Variants in ST6GALNAC3 observed in about 807,000 individuals in gnomAD.
ST6GALNAC3 encodes alpha-N-acetylgalactosaminide alpha-2,6-sialyltransferase 3.
A neutral mutation model predicts 32.7 loss-of-function variants in ST6GALNAC3; 25 were observed. That is an observed-to-expected ratio of 0.76 (90% confidence interval 0.56 to 1.07). The LOEUF is 1.07. Among genes scored for constraint, ST6GALNAC3 ranks in the 50% least tolerant of loss-of-function variants. The pLI is 0.00. For missense variants in ST6GALNAC3, 355 were observed against 382.4 expected (o/e 0.93, Z 0.60); for synonymous variants, 129 against 133.1 (o/e 0.97, Z 0.21).
At chr1:76,110,008 C>A (rs906181796) in intron 1 of ST6GALNAC3, among the ~76,000 whole-genome samples, 2 of 152,200 alleles carry the variant, frequency 1.3e-5, no homozygotes, top group Admixed American at 6.5e-5. Flanking sequence ...GAGGATCAGG[C>A]AGTGAGCTGA....
chr1:76,379,468 T>C (rs895805736), intron 2 of ST6GALNAC3, among the ~76,000 whole-genome samples: 3 of 152,042 alleles, frequency 2.0e-5, no homozygotes, highest in African/African-American at 7.3e-5. Context: ...TCAACAAAAA[T>C]TGAGAACATT....
chr1:76,268,767 C>A (rs1658674886), intron 1 of ST6GALNAC3, among the ~76,000 whole-genome samples: 1 of 152,222 alleles, frequency 6.6e-6, no homozygotes, highest in African/African-American at 2.4e-5. Flanking sequence ...GTTGTTTTGA[C>A]ACAATTGTAT....
rs1009743386 is a variant in ST6GALNAC3, at chr1:76,505,512, A to C, written c.623+93095A>C. Among the ~76,000 whole-genome samples, 66 of 152,204 alleles carry C rather than the reference A, an allele frequency of 4.3e-4. 2 individuals are homozygous for C. Among genetic ancestry groups the C allele is most frequent in the African/African-American group, 1.9e-4 (8 of 41,456 alleles). The stretch of plus-strand genomic sequence containing the variant: ...TTGTCCTACATCATCAATTATTGAC[A>C]CCACAGGGAATGATTGTCATTCACT... On this transcript the variant is annotated intron_variant, in intron 3 of 4. Transcript: ENST00000328299.
At chr1:76,424,673 T>C (rs1327741307) in intron 3 of ST6GALNAC3, among the ~76,000 whole-genome samples, 1 of 152,020 alleles carries the variant, frequency 6.6e-6, no homozygotes, top group East Asian at 1.9e-4. Context: ...TATTAGTTAA[T>C]GTTTGTGATT....
intron 2 of ST6GALNAC3, among the ~76,000 whole-genome samples, chr1:76,328,712 T>C (rs1409035956): frequency 6.6e-6 from 1 of 152,154 alleles, no homozygotes; most frequent in Non-Finnish European, 1.5e-5. Context: ...GGGGATATGG[T>C]AATATATGCT....
At chr1:76,254,396 T>C (rs1198747548) in intron 1 of ST6GALNAC3, among the ~76,000 whole-genome samples, 1 of 152,144 alleles carries the variant, frequency 6.6e-6, no homozygotes, top group Non-Finnish European at 1.5e-5. Context: ...TTCTCTCCCC[T>C]ATTCAGTTTG....
intron 3 of ST6GALNAC3, among the ~76,000 whole-genome samples, chr1:76,514,666 A>G (rs190143728): frequency 2.0e-5 from 3 of 152,310 alleles, no homozygotes; most frequent in Admixed American, 2.0e-4. Flanking sequence ...GTTGTGACGC[A>G]GCAAAAGCCC....
chr1:76,118,033 A>T (rs1372702926), intron 1 of ST6GALNAC3, among the ~76,000 whole-genome samples: 1 of 152,206 alleles, frequency 6.6e-6, no homozygotes, highest in Non-Finnish European at 1.5e-5. Context: ...CAGGTTTATT[A>T]CATAGGTATA....
At chr1:76,512,240 C>T (rs1661908306) in intron 3 of ST6GALNAC3, among the ~76,000 whole-genome samples, 1 of 152,066 alleles carries the variant, frequency 6.6e-6, no homozygotes, top group African/African-American at 2.4e-5. Context: ...TGTGAAAGAA[C>T]GCCTCCATTT....
At chr1:76,576,835 A>G (rs1360655636) in intron 3 of ST6GALNAC3, 2 of 1,304,824 alleles carry the variant, frequency 1.5e-6, no homozygotes, top group East Asian at 5.5e-5. Flanking sequence ...CTCCATTCCC[A>G]TGATATCCAG....
chr1:76,325,666 G>A (rs941028008), intron 2 of ST6GALNAC3, among the ~76,000 whole-genome samples: 1 of 149,556 alleles, frequency 6.7e-6, no homozygotes, highest in African/African-American at 2.4e-5. Context: ...CCCCCGGAAT[G>A]GTAGACATGC....
intron 1 of ST6GALNAC3, among the ~76,000 whole-genome samples, chr1:76,143,620 A>G (rs1399693623): frequency 2.0e-5 from 3 of 152,146 alleles, no homozygotes; most frequent in African/African-American, 4.8e-5. Flanking sequence ...TTGCATCTAC[A>G]TGTTCCATGA....
chr1:76,187,606 CT>C (rs1431014402), intron 1 of ST6GALNAC3, among the ~76,000 whole-genome samples: 1 of 152,166 alleles, frequency 6.6e-6, no homozygotes, highest in Non-Finnish European at 1.5e-5. Flanking sequence ...TGCAATCCTG[CT>C]GGAAGGCAGG....
At chr1:76,115,628 T>C (rs771911941) in intron 1 of ST6GALNAC3, among the ~76,000 whole-genome samples, 1 of 152,186 alleles carries the variant, frequency 6.6e-6, no homozygotes, top group East Asian at 1.9e-4. Flanking sequence ...TGTATTTGGC[T>C]TCTTTGAGTA....
intron 3 of ST6GALNAC3, among the ~76,000 whole-genome samples, chr1:76,464,082 T>C (rs991404031): frequency 6.6e-6 from 1 of 152,252 alleles, no homozygotes; most frequent in African/African-American, 2.4e-5. Flanking sequence ...GTGCCATCCC[T>C]TGTGGTTTTG....
At chr1:76,231,193 A>G (rs1415740366) in intron 1 of ST6GALNAC3, among the ~76,000 whole-genome samples, 1 of 152,220 alleles carries the variant, frequency 6.6e-6, no homozygotes, top group Non-Finnish European at 1.5e-5. Context: ...CTTGATATGC[A>G]AGCGAGGCCA....
chr1:76,117,611 G>GC (rs111758130), intron 1 of ST6GALNAC3, among the ~76,000 whole-genome samples: 92,828 of 152,006 alleles, frequency 0.61, 28,889 homozygotes, highest in African/African-American at 0.69. Flanking sequence ...CGCTGGACTA[G>GC]CTCTGAGCCT....
intron 2 of ST6GALNAC3, among the ~76,000 whole-genome samples, chr1:76,390,950 T>C (rs1048102857): frequency 2.7e-5 from 4 of 147,158 alleles, no homozygotes; most frequent in African/African-American, 7.3e-5. Context: ...ATATGTATTT[T>C]TTTTTTTGAG....
At chr1:76,198,009 G>A (rs373979709) in intron 1 of ST6GALNAC3, among the ~76,000 whole-genome samples, 2 of 149,460 alleles carry the variant, frequency 1.3e-5, no homozygotes, top group African/African-American at 4.9e-5. Context: ...ACAGAGTTTT[G>A]CCTTTATTTA....
Sources: gnomAD v4.1 joint callset for allele counts (sites outside exome capture counted in the v4.1 genomes callset) on GRCh38, gnomAD v4.1.1 for gene constraint, MANE v1.5 for transcripts, NCBI Gene and HGNC (gene_info 2026-07-23, HGNC 2026-07-21) for gene names.